The following PCDHA3 variants were observed in gnomAD, a reference collection of about 807,000 sequenced individuals.
PCDHA3 encodes the protein protocadherin alpha 3.
PCDHA3 carries 41 observed loss-of-function variants against 62.2 expected under a neutral mutation model. The ratio of observed to expected loss-of-function variants is 0.66; its 90% CI spans 0.51 to 0.86. The LOEUF (loss-of-function observed/expected upper bound fraction) is 0.86. Ranked by LOEUF, PCDHA3 falls within the 40% of genes least tolerant of loss-of-function variation. The pLI, the probability that PCDHA3 is intolerant of heterozygous loss-of-function variation, is 0.00. For synonymous variants in PCDHA3, 640 were observed against 555.4 expected (o/e 1.15, Z -2.14); for missense variants, 1,304 against 1,241.2 (o/e 1.05, Z -0.76).
intron 1 of PCDHA3, among the ~76,000 whole-genome samples, chr5:140,889,945 C>A (rs2153428950): frequency 6.6e-6 from 1 of 152,212 alleles, no homozygotes; most frequent in Non-Finnish European, 1.5e-5. Flanking sequence ...TTGTGAGAAG[C>A]CAAATGGATA....
intron 1 of PCDHA3, chr5:140,829,736 G>C (rs2150173634): frequency 6.2e-7 from 1 of 1,613,682 alleles, no homozygotes; most frequent in Non-Finnish European, 8.5e-7. Flanking sequence ...GGGCAGCAAC[G>C]TGACGCTGCA....
chr5:140,857,650 G>T, intron 1 of PCDHA3: 1 of 1,596,744 alleles, frequency 6.3e-7, no homozygotes, highest in East Asian at 2.2e-5. Flanking sequence ...AGTTCCAGGT[G>T]AGCGCGCGCG....
chr5:140,870,168 C>A, intron 1 of PCDHA3: 1 of 1,614,108 alleles, frequency 6.2e-7, no homozygotes, highest in Admixed American at 1.7e-5. Context: ...CTTCCTTGTC[C>A]CTCCCAGTAC....
At chr5:141,004,186 C>T (rs1554259505) in intron 3 of PCDHA3, among the ~76,000 whole-genome samples, 1 of 152,240 alleles carries the variant, frequency 6.6e-6, no homozygotes, top group Non-Finnish European at 1.5e-5. Flanking sequence ...CTTGAGTGCT[C>T]TTAACCAAAA....
At position 141,010,950 on chromosome 5, in the gene PCDHA3, A is replaced by G. The variant is rs1278386004; in HGVS notation, c.*1013A>G. The G allele has an allele frequency of 6.5e-6, 1 of 153,760 alleles. No homozygotes were observed. Among genetic ancestry groups the G allele is most frequent in the Admixed American group, 6.5e-5 (1 of 15,284 alleles). 9.5% of individuals were successfully genotyped at this position (153,760 alleles called of 1,614,324 possible). A position where few individuals can be genotyped will look rare whatever the true frequency, so the allele number is the denominator to read the frequency against. ...TCAGTCTACAGCCATTTAAATGATC[A>G]TTGCTGCTACAGAAGTGCTTTAAGA... is the stretch of plus-strand genomic sequence containing the variant. On this transcript the variant is annotated 3_prime_UTR_variant, in exon 4 of 4. Coordinates refer to ENST00000522353, the MANE Select transcript of PCDHA3 (RefSeq NM_018906.3).
At chr5:140,829,831 G>C in intron 1 of PCDHA3, 1 of 1,613,918 alleles carries the variant, frequency 6.2e-7, no homozygotes. Flanking sequence ...TGAGCGAGCT[G>C]GTGCCGCGGT....
chr5:140,983,777 A>G (rs947937417), intron 3 of PCDHA3, among the ~76,000 whole-genome samples: 1 of 152,256 alleles, frequency 6.6e-6, no homozygotes, highest in Non-Finnish European at 1.5e-5. Context: ...ATCTACATAC[A>G]TAACAGATGA....
At chr5:140,910,095 C>T (rs1011405673) in intron 1 of PCDHA3, among the ~76,000 whole-genome samples, 1 of 152,188 alleles carries the variant, frequency 6.6e-6, no homozygotes, top group Non-Finnish European at 1.5e-5. Flanking sequence ...GAACCAGCCT[C>T]CCCTTCATTT....
At chr5:140,828,903 A>C in intron 1 of PCDHA3, 1 of 1,614,256 alleles carries the variant, frequency 6.2e-7, no homozygotes. Flanking sequence ...GATCGGGATG[A>C]AGGAGCGAAT....
At chr5:140,980,716 G>T (rs1246125435) in intron 2 of PCDHA3, among the ~76,000 whole-genome samples, 1 of 151,830 alleles carries the variant, frequency 6.6e-6, no homozygotes, top group Non-Finnish European at 1.5e-5. Context: ...TCCTATTCGG[G>T]TTTCAATTAA....
At chr5:140,805,005 T>A in intron 1 of PCDHA3, 1 of 1,540,886 alleles carries the variant, frequency 6.5e-7, no homozygotes, top group Non-Finnish European at 8.7e-7. Flanking sequence ...AAAATTTAGT[T>A]CTGTTATCAG....
At chr5:140,821,779 G>T in intron 1 of PCDHA3, 9 of 1,609,366 alleles carry the variant, frequency 5.6e-6, no homozygotes, top group Non-Finnish European at 7.6e-6. Flanking sequence ...GATTGAGATG[G>T]TATATTCCCG....
rs559093543 is a variant in PCDHA3 at position 140,936,623 on chromosome 5, A to G, written c.2395-42326A>G. Among the ~76,000 whole-genome samples, 3 of 152,312 alleles carry G rather than the reference A, an allele frequency of 2.0e-5. No individual in the cohort carries two copies. The East Asian group carries it at 5.8e-4, about 29-fold the overall frequency. On this transcript the variant is annotated intron_variant, in intron 1 of 3. Transcript: ENST00000522353. ...TTCCTCGCTGCTACTGTGCAGTGCT[A>G]CCTTTGTCATAAGCAACGTGACTTT...
At chr5:140,808,368 C>A in intron 1 of PCDHA3, 1 of 1,614,198 alleles carries the variant, frequency 6.2e-7, no homozygotes, top group Non-Finnish European at 8.5e-7. Context: ...TCCCACGTCC[C>A]CTTCAAGCTG....
intron 1 of PCDHA3, among the ~76,000 whole-genome samples, chr5:140,912,002 A>T (rs1452427916): frequency 6.6e-6 from 1 of 152,236 alleles, no homozygotes; most frequent in Non-Finnish European, 1.5e-5. Flanking sequence ...ACAATAGGCC[A>T]TCTGCAAGCT....
intron 1 of PCDHA3, chr5:140,835,821 G>T (rs375168399): frequency 3.1e-6 from 5 of 1,612,714 alleles, no homozygotes; most frequent in East Asian, 2.2e-5. Flanking sequence ...TGTGTCGGCG[G>T]GGGACGCGGA....
chr5:140,995,386 A>G (rs1156268381), intron 3 of PCDHA3, among the ~76,000 whole-genome samples: 1 of 152,202 alleles, frequency 6.6e-6, no homozygotes, highest in Non-Finnish European at 1.5e-5. Context: ...TGGGCAGGAT[A>G]AAGCGGGATG....
intron 1 of PCDHA3, chr5:140,824,627 T>TTGTTTG (rs1554130002): frequency 7.5e-6 from 1 of 134,010 alleles, no homozygotes; most frequent in African/African-American, 3.2e-5. Context: ...TTTTTTTTTT[T>TTGTTTG]TTTTTATTTT....
At chr5:140,854,558 G>A (rs1344773407) in intron 1 of PCDHA3, 1 of 149,764 alleles carries the variant, frequency 6.7e-6, no homozygotes, top group East Asian at 1.9e-4. Flanking sequence ...CATAAATATT[G>A]TTGCTCTGTC....
Sources: gnomAD v4.1 joint callset for allele counts (sites outside exome capture counted in the v4.1 genomes callset) on GRCh38, gnomAD v4.1.1 for gene constraint, MANE v1.5 for transcripts, NCBI Gene and HGNC (gene_info 2026-07-23, HGNC 2026-07-21) for gene names.